The following LRRC7 variants were observed in gnomAD, a reference collection of about 807,000 sequenced individuals.
LRRC7 encodes the protein leucine-rich repeat-containing protein 7.
In LRRC7, 23 loss-of-function variants were observed where a neutral mutation model predicts 175.7. The ratio of observed to expected loss-of-function variants is 0.13; its 90% confidence interval spans 0.09 to 0.19. The LOEUF (loss-of-function observed/expected upper bound fraction) is 0.19. LRRC7 is among the 10% of genes least tolerant of loss of function. The pLI, the probability that LRRC7 is intolerant of heterozygous loss-of-function variation, is 1.00. For synonymous variants in LRRC7, 685 were observed against 680.9 expected, an observed-to-expected ratio of 1.01 and a Z score of -0.09; for missense variants, 1,354 against 1,904.7, an observed-to-expected ratio of 0.71 and a Z score of 5.38.
Position 70,036,130 on chromosome 1 carries a change from G to T in LRRC7, c.2005G>T (p.Val669Phe). ...PKEITVEDSF[V>F]HPANEMRIGE... ...TTATTATATCTCTCAGGATTCTTTTGTTCATCCAGCTAATGAAATGAGGAT... is the reference window on the plus strand; with the variant it reads ...TTATTATATCTCTCAGGATTCTTTTTTTCATCCAGCTAATGAAATGAGGAT... Residue 669 changes from valine (V) to phenylalanine (F), a missense_variant, in exon 19 of 27, where the codon GTT becomes TTT. Physicochemically the swap from Val to Phe is conservative, Grantham distance 50. Transcript: ENST00000651989. The T allele has an allele frequency of 6.2e-7, 1 of 1,609,468 alleles. No individual in the cohort carries two copies. Among genetic ancestry groups the T allele is most frequent in the Non-Finnish European group, 8.5e-7 (1 of 1,178,012 alleles).
At chr1:69,665,703 A>G (rs1256380388) in intron 1 of LRRC7, among the ~76,000 whole-genome samples, 2 of 151,638 alleles carry the variant, frequency 1.3e-5, no homozygotes, top group East Asian at 3.9e-4. Flanking sequence ...ATTTGTTTAT[A>G]AGTTCTAATA....
intron 8 of LRRC7, among the ~76,000 whole-genome samples, chr1:69,969,066 C>T (rs1340593143): frequency 6.6e-6 from 1 of 152,024 alleles, no homozygotes; most frequent in Non-Finnish European, 1.5e-5. Flanking sequence ...GATCTGCCCA[C>T]CTCGACCTCC....
In LRRC7 at chr1:69,987,638, A is replaced by G. The variant is rs79150549; in HGVS notation, c.931+1252A>G. On this transcript the variant is annotated intron_variant, in intron 10 of 26. Transcript: ENST00000651989. Reference sequence around the variant, plus strand: ...AAATTTTTAATCATTATTAAGTTCCAGAACATATAACTTTTAAAAATTAAG... The same window carrying G: ...AAATTTTTAATCATTATTAAGTTCCGGAACATATAACTTTTAAAAATTAAG... Among the ~76,000 whole-genome samples the G allele has an allele frequency of 4.6e-3, 700 of 152,342 alleles. 8 individuals carry two copies. Among genetic ancestry groups the G allele is most frequent in the African/African-American group, 0.016 (649 of 41,580 alleles).
At chr1:69,752,080 A>C (rs1020668618) in intron 2 of LRRC7, among the ~76,000 whole-genome samples, 2 of 152,134 alleles carry the variant, frequency 1.3e-5, no homozygotes, top group African/African-American at 4.8e-5. Flanking sequence ...TGATCATTTC[A>C]AGAGTCAAAA....
intron 1 of LRRC7, among the ~76,000 whole-genome samples, chr1:69,666,336 A>G (rs1306314978): frequency 1.3e-5 from 2 of 152,088 alleles, no homozygotes; most frequent in African/African-American, 2.4e-5. Flanking sequence ...GGCCTTGTGA[A>G]TGAGTCTGAA....
At chr1:69,773,046 A>G (rs922112040) in intron 3 of LRRC7, among the ~76,000 whole-genome samples, 1 of 152,186 alleles carries the variant, frequency 6.6e-6, no homozygotes, top group Non-Finnish European at 1.5e-5. Flanking sequence ...AAACATCTCT[A>G]CTTAAAATGT....
intron 5 of LRRC7, among the ~76,000 whole-genome samples, chr1:69,833,613 G>T (rs17131039): frequency 0.093 from 14,168 of 151,900 alleles, 1,537 homozygotes; most frequent in African/African-American, 0.27. Context: ...ATAAACCATG[G>T]AATAAAACGC....
intron 5 of LRRC7, among the ~76,000 whole-genome samples, chr1:69,833,372 A>G (rs1236593690): frequency 6.6e-6 from 1 of 152,156 alleles, no homozygotes; most frequent in Non-Finnish European, 1.5e-5. Context: ...AAAACAGAGT[A>G]GTAAACATGA....
At chr1:69,598,902 G>A (rs61140885) in intron 1 of LRRC7, among the ~76,000 whole-genome samples, 3,782 of 152,184 alleles carry the variant, frequency 0.025, 134 homozygotes, top group African/African-American at 0.085. Context: ...AAGCTCTTAC[G>A]TTCTTTAAAT....
At chr1:69,756,689 A>G (rs1670471801) in intron 2 of LRRC7, among the ~76,000 whole-genome samples, 1 of 151,970 alleles carries the variant, frequency 6.6e-6, no homozygotes, top group African/African-American at 2.4e-5. Flanking sequence ...AGGTATCAAA[A>G]AGGAAAATAA....
chr1:69,853,277 T>TTTC (rs1683201485), intron 7 of LRRC7, among the ~76,000 whole-genome samples: 3 of 134,324 alleles, frequency 2.2e-5, no homozygotes, highest in African/African-American at 8.3e-5. Flanking sequence ...TTTCTTTTTT[T>TTTC]TTTTTTTTTT....
At chr1:69,697,252 A>T (rs1662728135) in intron 2 of LRRC7, among the ~76,000 whole-genome samples, 1 of 152,196 alleles carries the variant, frequency 6.6e-6, no homozygotes, top group Admixed American at 6.5e-5. Flanking sequence ...CACAACTGCA[A>T]TTCCTCCTGG....
intron 1 of LRRC7, among the ~76,000 whole-genome samples, chr1:69,585,364 C>T (rs116274550): frequency 0.011 from 1,709 of 152,134 alleles, 27 homozygotes; most frequent in African/African-American, 0.039. Flanking sequence ...GAAGCATATA[C>T]AATTTATAGA....
intron 15 of LRRC7, 43 bp downstream of exon 15, chr1:70,018,861 T>C: frequency 7.0e-7 from 1 of 1,436,878 alleles, no homozygotes; most frequent in Non-Finnish European, 9.8e-7. Context: ...ATAATGATTA[T>C]GGATAGAAAT....
At position 69,961,233 on chromosome 1, in the gene LRRC7, T is replaced by C. The variant is rs1004726749; in HGVS notation, c.712-19146T>C. On this transcript the variant is annotated intron_variant, in intron 8 of 26. Coordinates refer to ENST00000651989, the MANE Select transcript of LRRC7 (RefSeq NM_001370785.2). Reference sequence around the variant, plus strand: ...ATTACAAATGAGCTCCCATTCACAATTGAAATAAAAAGAATAAAATACCTA... The same window carrying C: ...ATTACAAATGAGCTCCCATTCACAACTGAAATAAAAAGAATAAAATACCTA... 9.2e-5 allele frequency among the ~76,000 whole-genome samples: 14 copies of C among 152,116 alleles called. 1 individual carries two copies. Among genetic ancestry groups the C allele is most frequent in the Admixed American group, 8.5e-4 (13 of 15,266 alleles).
At chr1:69,708,734 G>A (rs1198954513) in intron 2 of LRRC7, among the ~76,000 whole-genome samples, 1 of 152,122 alleles carries the variant, frequency 6.6e-6, no homozygotes, top group East Asian at 1.9e-4. Flanking sequence ...GTCTCTGTTG[G>A]TACAACTCTG....
intron 1 of LRRC7, among the ~76,000 whole-genome samples, chr1:69,597,482 T>A (rs571784056): frequency 6.6e-6 from 1 of 152,192 alleles, no homozygotes; most frequent in African/African-American, 2.4e-5. Context: ...CCCACTCTTC[T>A]AGGTTTCTAC....
intron 14 of LRRC7, among the ~76,000 whole-genome samples, chr1:70,017,343 T>G (rs1405541677): frequency 6.6e-6 from 1 of 152,180 alleles, no homozygotes; most frequent in Non-Finnish European, 1.5e-5. Flanking sequence ...TTGATATTAT[T>G]TTTTATCCTC....
intron 2 of LRRC7, among the ~76,000 whole-genome samples, chr1:69,753,751 C>T (rs184956299): frequency 2.6e-5 from 4 of 152,110 alleles, no homozygotes; most frequent in Non-Finnish European, 5.9e-5. Flanking sequence ...TCTAGGCATG[C>T]TCTCTAGCCT....
Sources: gnomAD v4.1 joint callset for allele counts (sites outside exome capture counted in the v4.1 genomes callset) on GRCh38, gnomAD v4.1.1 for gene constraint, MANE v1.5 for transcripts, NCBI Gene and HGNC (gene_info 2026-07-23, HGNC 2026-07-21) for gene names.